The following DPYD variants were observed in gnomAD, a reference collection of about 807,000 sequenced individuals.
DPYD encodes the protein dihydropyrimidine dehydrogenase [NADP(+)].
DPYD carries 109 observed loss-of-function variants against 116.2 expected under a neutral mutation model. The ratio of observed to expected loss-of-function variants is 0.94; its 90% CI spans 0.80 to 1.10. The LOEUF (loss-of-function observed/expected upper bound fraction) is 1.10, where lower values mean the gene tolerates loss of function less well. Ranked by LOEUF, DPYD falls within the 50% of genes least tolerant of loss-of-function variation. DPYD has a pLI of 0.00. For missense variants in DPYD, 1,302 were observed against 1,254.5 expected, an observed-to-expected ratio of 1.04 and a Z score of -0.57; for synonymous variants, 440 against 432.0, an observed-to-expected ratio of 1.02 and a Z score of -0.23.
intron 11 of DPYD, among the ~76,000 whole-genome samples, chr1:97,553,005 G>C (rs979605729): frequency 2.6e-5 from 4 of 151,878 alleles, no homozygotes; most frequent in African/African-American, 7.2e-5. Context: ...AGATCACTAA[G>C]AAAGTAGAAT....
intron 13 of DPYD, among the ~76,000 whole-genome samples, chr1:97,467,533 A>C (rs1010553470): frequency 3.9e-5 from 6 of 152,142 alleles, no homozygotes; most frequent in Admixed American, 2.0e-4. Flanking sequence ...CTCATCTGTA[A>C]GCCATCAGGG....
chr1:97,593,438 A>G lies in DPYD; in HGVS notation c.959-51T>C, dbSNP rs115349832. On this transcript the variant is annotated intron_variant, in intron 9 of 22. Coordinates refer to ENST00000370192, the MANE Select transcript of DPYD (RefSeq NM_000110.4). ...TTTCAAGTAGAGAAACCATTTCTGC[A>G]TGACAGCTCAAAAGATACTTGTACT... 1.2e-6 allele frequency: 2 copies of G among 1,603,566 alleles called. No individual in the cohort carries two copies. Among genetic ancestry groups the G allele is most frequent in the East Asian group, 2.2e-5 (1 of 44,808 alleles).
At chr1:97,583,993 A>G (rs539435846) in intron 10 of DPYD, among the ~76,000 whole-genome samples, 6 of 152,256 alleles carry the variant, frequency 3.9e-5, no homozygotes, top group African/African-American at 1.4e-4. Flanking sequence ...AGCCACACTG[A>G]CTTTCCACAA....
intron 20 of DPYD, among the ~76,000 whole-genome samples, chr1:97,181,176 C>T (rs1408724676): frequency 6.6e-6 from 1 of 152,130 alleles, no homozygotes; most frequent in Non-Finnish European, 1.5e-5. Context: ...ATACAGGGCT[C>T]CCAGCAGGTA....
At chr1:97,877,528 A>G (rs1227470896) in intron 2 of DPYD, among the ~76,000 whole-genome samples, 2 of 151,918 alleles carry the variant, frequency 1.3e-5, no homozygotes, top group Non-Finnish European at 2.9e-5. Flanking sequence ...CTATACAAAC[A>G]CTGCATTTTT....
intron 13 of DPYD, among the ~76,000 whole-genome samples, chr1:97,498,736 GATTAA>G (rs1237780063): frequency 6.6e-6 from 1 of 151,556 alleles, no homozygotes; most frequent in African/African-American, 2.4e-5. Context: ...AATGTGGAAA[GATTAA>G]ATTAAACCAT....
At chr1:97,116,509 A>G (rs1251272129) in intron 20 of DPYD, among the ~76,000 whole-genome samples, 2 of 151,742 alleles carry the variant, frequency 1.3e-5, no homozygotes, top group Non-Finnish European at 2.9e-5. Flanking sequence ...CTGTCTCTAC[A>G]AAAAATACAA....
chr1:97,542,160 C>T (rs1483757919), intron 12 of DPYD, among the ~76,000 whole-genome samples: 20 of 152,132 alleles, frequency 1.3e-4, no homozygotes, highest in Non-Finnish European at 2.8e-4. Flanking sequence ...ATGTTCTACT[C>T]CTGGTATAAT....
chr1:97,792,106 G>A (rs186836454), intron 3 of DPYD, among the ~76,000 whole-genome samples: 2 of 152,166 alleles, frequency 1.3e-5, no homozygotes, highest in Admixed American at 6.5e-5. Flanking sequence ...ATGCAGTACC[G>A]AGTGAAGATA....
chr1:97,701,888 A>C (rs1281011541), intron 5 of DPYD, among the ~76,000 whole-genome samples: 1 of 151,808 alleles, frequency 6.6e-6, no homozygotes, highest in Non-Finnish European at 1.5e-5. Context: ...ACATCTTTGA[A>C]TTCACCTTTT....
chr1:97,381,886 GTGT>G (rs1671991083), intron 15 of DPYD, among the ~76,000 whole-genome samples: 1 of 152,184 alleles, frequency 6.6e-6, no homozygotes, highest in African/African-American at 2.4e-5. Context: ...CTGCTGACTA[GTGT>G]TCCATTCAGG....
At position 97,788,622 on chromosome 1, in the gene DPYD, T is replaced by C. The variant is rs766137631; in HGVS notation, c.233+39492A>G. Among the ~76,000 whole-genome samples, 39 of 152,308 alleles carry C rather than the reference T, an allele frequency of 2.6e-4. No individual in the cohort carries two copies. The Middle Eastern group carries it at 0.01, about 40-fold the overall frequency. On this transcript the variant is annotated intron_variant, in intron 3 of 22. Transcript: ENST00000370192. ...TTGAGGTTTGGAATGGTTGATTATG[T>C]AGCAATTGATAACTAACATGAAGTG...
Position 97,078,778 on chromosome 1 carries a change from T to C in DPYD, c.*198A>G. On this transcript the variant is annotated 3_prime_UTR_variant, in exon 23 of 23. Coordinates refer to ENST00000370192, the MANE Select transcript of DPYD (RefSeq NM_000110.4). ...CTATCCTCAGAAAAGAATTATTCTA[T>C]TTTATGACCACTAATTGAATGGTCA... The C allele has an allele frequency of 1.6e-6, 1 of 612,134 alleles. No individual in the cohort carries two copies. Among genetic ancestry groups the C allele is most frequent in the South Asian group, 2.0e-5 (1 of 50,226 alleles). The allele number at this position is 612,134 out of a possible 1,614,324, so 37.9% of individuals were successfully genotyped here.
chr1:97,779,709 G>A (rs936034121), intron 3 of DPYD, among the ~76,000 whole-genome samples: 1 of 151,818 alleles, frequency 6.6e-6, no homozygotes, highest in Non-Finnish European at 1.5e-5. Flanking sequence ...AAATCATGGC[G>A]TGCATTTTGT....
intron 13 of DPYD, among the ~76,000 whole-genome samples, chr1:97,452,581 T>A (rs3897855): frequency 0.42 from 63,767 of 151,906 alleles, 13,653 homozygotes; most frequent in Middle Eastern, 0.53. Context: ...TGTAATCCTC[T>A]GTGTTGGAGG....
chr1:97,297,231 T>C (rs1363060843), intron 18 of DPYD, among the ~76,000 whole-genome samples: 1 of 152,206 alleles, frequency 6.6e-6, no homozygotes, highest in African/African-American at 2.4e-5. Flanking sequence ...TAAGCTGGCC[T>C]GACCAAATTC....
chr1:97,340,318 C>A (rs1669527992), intron 16 of DPYD, among the ~76,000 whole-genome samples: 1 of 151,992 alleles, frequency 6.6e-6, no homozygotes. Context: ...AGGAATAATT[C>A]TCAAAGCTAT....
chr1:97,753,432 C>G (rs1665046889), intron 3 of DPYD, among the ~76,000 whole-genome samples: 2 of 152,138 alleles, frequency 1.3e-5, no homozygotes, highest in African/African-American at 4.8e-5. Flanking sequence ...ATTCAGGACT[C>G]TTATCCAGGT....
chr1:97,254,023 C>A (rs557745419), intron 18 of DPYD, among the ~76,000 whole-genome samples: 1 of 152,088 alleles, frequency 6.6e-6, no homozygotes, highest in East Asian at 1.9e-4. Context: ...ACACAGAACT[C>A]TATTAAGGCT....
Sources: gnomAD v4.1 joint callset for allele counts (sites outside exome capture counted in the v4.1 genomes callset) on GRCh38, gnomAD v4.1.1 for gene constraint, MANE v1.5 for transcripts, NCBI Gene and HGNC (gene_info 2026-07-23, HGNC 2026-07-21) for gene names.